Variants in ELF4 observed in about 807,000 individuals in gnomAD.
The protein encoded by ELF4 is E74 like ETS transcription factor 4.
In ELF4, 10 loss-of-function variants were observed where a neutral mutation model predicts 31.7. That is an observed-to-expected ratio of 0.32 (90% CI 0.19 to 0.54). ELF4 has a LOEUF of 0.54. ELF4 is among the 20% of genes least tolerant of loss of function. The pLI, the probability that ELF4 is intolerant of heterozygous loss-of-function variation, is 0.95. For missense variants in ELF4, 418 were observed against 522.0 expected, an observed-to-expected ratio of 0.80 and a Z score of 1.94; for synonymous variants, 208 against 226.7, an observed-to-expected ratio of 0.92 and a Z score of 0.74.
intron 5 of ELF4, 46 bp from the exon 6 acceptor site, chrX:130,071,465 G>T (rs1932787485): frequency 1.7e-6 from 2 of 1,169,847 alleles, no homozygotes; most frequent in Non-Finnish European, 2.3e-6. Context: ...CCCAAGAGAG[G>T]GCCCGGGAGC....
chrX:130,088,220 A>T (rs1314367011), intron 1 of ELF4, among the ~76,000 whole-genome samples: 2 of 106,701 alleles, frequency 1.9e-5, no homozygotes, highest in African/African-American at 6.9e-5. Flanking sequence ...AAGAGTGAAC[A>T]CTCCATCTCA....
At chrX:130,095,132 G>A (rs184970663) in intron 1 of ELF4, among the ~76,000 whole-genome samples, 23 of 111,912 alleles carry the variant, frequency 2.1e-4, no homozygotes, top group Middle Eastern at 9.2e-3. Flanking sequence ...GGGCCAAACA[G>A]TAAAAATGAC....
chrX:130,072,523 C>G, intron 4 of ELF4, 106 bp from the exon 5 acceptor site: 1 of 791,305 alleles, frequency 1.3e-6, no homozygotes, highest in South Asian at 2.3e-5. Context: ...GGGGGCTCAT[C>G]CCCCCAGCCC....
At position 130,071,374 on chromosome X, in the gene ELF4, G is replaced by A. The variant is rs1463958232; in HGVS notation, c.578C>T (p.Pro193Leu). 4.1e-6 allele frequency: 5 copies of A among 1,212,003 alleles called. No individual in the cohort carries two copies. Among genetic ancestry groups the A allele is most frequent in the Non-Finnish European group, 5.6e-6 (5 of 895,556 alleles). Residue 193 changes from proline to leucine, a missense_variant, in exon 6 of 9, where the codon CCC (proline) becomes CTC (leucine). Pro to Leu is a moderately conservative substitution (Grantham distance 98). Coordinates refer to ENST00000308167, the MANE Select transcript of ELF4 (RefSeq NM_001421.4). ...TGATTTCTTCCTAATGGGGATGCTG[G>A]GGTCAGTGACAGGTGAGGTACTTCG... ...GNRSTSPVTD[P>L]SIPIRKKSKD...
chrX:130,069,410 C>T lies in ELF4; in HGVS notation c.1077G>A (p.Gln359=). The change falls in exon 8 of 9, where the codon CAG becomes CAA. Residue 359 remains glutamine, a synonymous_variant. Coordinates refer to ENST00000308167, the MANE Select transcript of ELF4 (RefSeq NM_001421.4). ...GTCCCAATTCCAGACTCGCAGATGG[C>T]TGGAGACCGACATGCTGAATTTTTG... ...EKPKIQHVGL[Q]PSASLELGPS... 1 of 1,211,904 alleles carries T rather than the reference C, an allele frequency of 8.3e-7. No individual in the cohort carries two copies.
intron 1 of ELF4, among the ~76,000 whole-genome samples, chrX:130,097,329 C>T (rs931875305): frequency 1.2e-4 from 13 of 109,399 alleles, no homozygotes; most frequent in Non-Finnish European, 2.3e-4. Flanking sequence ...CCCAGCTACT[C>T]GGGAGGCTGA....
At chrX:130,075,452 A>G (rs1436023551) in intron 2 of ELF4, among the ~76,000 whole-genome samples, 1 of 108,406 alleles carries the variant, frequency 9.2e-6, no homozygotes, top group Non-Finnish European at 1.9e-5. Context: ...AATTTTTTGT[A>G]TTTTTAGTAG....
chrX:130,110,455 G>T lies in ELF4; in HGVS notation c.-340C>A, dbSNP rs1170282675. 7.2e-5 allele frequency: 8 copies of T among 110,521 alleles called. No homozygotes were observed. Among genetic ancestry groups the T allele is most frequent in the African/African-American group, 2.6e-4 (8 of 30,515 alleles). The allele number at this position is 110,521 out of a possible 1,213,427, so 9.1% of individuals were successfully genotyped here. ...GTCCTCTCCCCTCGGAAGCCGGGCC[G>T]GGCGAGCGGCGCCAGGAACTCGGCG... On this transcript the variant is annotated 5_prime_UTR_variant, in exon 1 of 9. Coordinates refer to ENST00000308167, the MANE Select transcript of ELF4 (RefSeq NM_001421.4).
intron 7 of ELF4, among the ~76,000 whole-genome samples, chrX:130,070,787 AAAAGAAAGAAAG>A (rs3077208): frequency 2.0e-4 from 19 of 92,728 alleles, no homozygotes; most frequent in African/African-American, 5.9e-4. Flanking sequence ...AAAAAAAAAA[AAAAGAAAGAAAG>A]AAAGAAAGAA....
chrX:130,089,722 A>G (rs1231081558), intron 1 of ELF4, among the ~76,000 whole-genome samples: 1 of 110,887 alleles, frequency 9.0e-6, no homozygotes, highest in Non-Finnish European at 1.9e-5. Flanking sequence ...TTCCTTGCTC[A>G]TTGTCTCCTG....
intron 1 of ELF4, among the ~76,000 whole-genome samples, chrX:130,092,817 A>G (rs1933082657): frequency 9.0e-6 from 1 of 110,506 alleles, no homozygotes; most frequent in African/African-American, 3.3e-5. Flanking sequence ...TGTCCCTAGC[A>G]CCAATGGACA....
rs1236281958 is a variant in ELF4, at chrX:130,066,359, T to C, written c.*362A>G. The C allele has an allele frequency of 7.0e-6, 2 of 284,664 alleles. No individual in the cohort carries two copies. The highest frequency in any genetic ancestry group is 5.3e-5 in the African/African-American group (2 of 37,694). 23.5% of individuals were successfully genotyped at this position (284,664 alleles called of 1,213,427 possible). A position where few individuals can be genotyped will look rare whatever the true frequency, so the allele number is the denominator to read the frequency against. ...TTCACATATAGGGTAGTAAATTCCC[T>C]GTGTAGGGAATGCAGCCAGTGAGAT... On this transcript the variant is annotated 3_prime_UTR_variant, in exon 9 of 9. Coordinates refer to ENST00000308167, the MANE Select transcript of ELF4 (RefSeq NM_001421.4).
At chrX:130,078,714 G>A (rs1449699878) in intron 2 of ELF4, among the ~76,000 whole-genome samples, 2 of 108,657 alleles carry the variant, frequency 1.8e-5, no homozygotes, top group African/African-American at 6.7e-5. Context: ...CCGAGATCGT[G>A]CCATTGCACT....
Position 130,067,213 on chromosome X carries a change from C to T in ELF4, c.1500G>A (p.Ala500=), listed in dbSNP as rs746174262. 26 of 1,210,843 alleles carry T rather than the reference C, an allele frequency of 2.1e-5. No individual in the cohort carries two copies. The South Asian group carries it at 3.3e-4, about 16-fold the overall frequency. The part of the protein sequence containing the change: ...LAGANRPTNP[A]PPTVTGAGPA... ...GTCCAGCCCCTGTGACCGTGGGTGG[C>T]GCCGGGTTGGTCGGACGGTTGGCCC... The change falls in exon 9 of 9, where the codon GCG becomes GCA. Residue 500 remains alanine (A), a synonymous_variant. Coordinates refer to ENST00000308167, the MANE Select transcript of ELF4 (RefSeq NM_001421.4).
intron 4 of ELF4, among the ~76,000 whole-genome samples, chrX:130,072,915 T>C (rs1304452907): frequency 1.0e-5 from 1 of 97,467 alleles, no homozygotes; most frequent in East Asian, 3.2e-4. Context: ...ATCTCTCAGA[T>C]TTCAGCTTTA....
At chrX:130,108,468 T>A (rs1933414274) in intron 1 of ELF4, among the ~76,000 whole-genome samples, 1 of 111,684 alleles carries the variant, frequency 9.0e-6, no homozygotes, top group Non-Finnish European at 1.9e-5. Context: ...TCAGCCTGTG[T>A]CTAGCTGGGT....
At chrX:130,083,840 A>ATGGC (rs1214633333) in intron 1 of ELF4, among the ~76,000 whole-genome samples, 1 of 104,008 alleles carries the variant, frequency 9.6e-6, no homozygotes, top group Non-Finnish European at 2.0e-5. Context: ...GGCTGGATGG[A>ATGGC]TGGATGGATG....
At chrX:130,083,832 CTGGATGGATGGA>C (rs773641555) in intron 1 of ELF4, among the ~76,000 whole-genome samples, 2,616 of 103,193 alleles carry the variant, frequency 0.025, 37 homozygotes, top group Non-Finnish European at 0.035. Context: ...GGATGGATGG[CTGGATGGATGGA>C]TGGATGGATG....
intron 1 of ELF4, among the ~76,000 whole-genome samples, chrX:130,099,639 T>C (rs760434266): frequency 1.8e-4 from 20 of 111,181 alleles, no homozygotes; most frequent in Non-Finnish European, 3.2e-4. Context: ...CTCTCCTTAA[T>C]AGATTTTCTT....
Sources: allele counts gnomAD v4.1 joint callset (sites outside exome capture counted in the v4.1 genomes callset), GRCh38; gene constraint gnomAD v4.1.1; transcripts MANE v1.5; gene names NCBI Gene and HGNC (gene_info 2026-07-23, HGNC 2026-07-21).